Variants in RFX3 observed in about 807,000 individuals in gnomAD.
RFX3 encodes the protein regulatory factor X3.
RFX3 carries 14 observed loss-of-function variants against 98.6 expected under a neutral mutation model. That is an observed-to-expected ratio of 0.14 (90% CI 0.09 to 0.22). The LOEUF is 0.22. Ranked by LOEUF, RFX3 falls within the 10% of genes least tolerant of loss-of-function variation. RFX3 has a pLI of 1.00. For synonymous variants in RFX3, 383 were observed against 328.4 expected (o/e 1.17, Z -1.80); for missense variants, 639 against 926.9 (o/e 0.69, Z 4.03).
At chr9:3,420,250 T>A (rs555485991) in intron 1 of RFX3, among the ~76,000 whole-genome samples, 17 of 152,276 alleles carry the variant, frequency 1.1e-4, no homozygotes, top group Admixed American at 7.8e-4. Flanking sequence ...AGGAAAGCAC[T>A]CATACACAGG....
intron 1 of RFX3, among the ~76,000 whole-genome samples, chr9:3,424,506 C>T (rs563492346): frequency 1.7e-4 from 26 of 151,328 alleles, no homozygotes; most frequent in East Asian, 4.0e-4. Context: ...GGACTACAGG[C>T]GCCCGCCACC....
intron 3 of RFX3, among the ~76,000 whole-genome samples, chr9:3,339,082 C>T (rs957425224): frequency 2.6e-5 from 4 of 151,878 alleles, no homozygotes; most frequent in Admixed American, 2.6e-4. Context: ...GAGCAAGACT[C>T]CAACTCAAAA....
chr9:3,478,418 T>G (rs1340091468), intron 1 of RFX3, among the ~76,000 whole-genome samples: 1 of 151,828 alleles, frequency 6.6e-6, no homozygotes, highest in Non-Finnish European at 1.5e-5. Flanking sequence ...ACTTTTTTTT[T>G]TTTTTTTTTT....
At chr9:3,458,607 G>C (rs143556781) in intron 1 of RFX3, among the ~76,000 whole-genome samples, 2 of 152,062 alleles carry the variant, frequency 1.3e-5, no homozygotes, top group South Asian at 2.1e-4. Flanking sequence ...TTTTCCTATA[G>C]GTGACAAAGG....
chr9:3,284,794 A>C (rs1051980504), intron 7 of RFX3, among the ~76,000 whole-genome samples: 1 of 151,718 alleles, frequency 6.6e-6, no homozygotes, highest in African/African-American at 2.4e-5. Context: ...TTTAGGTAAA[A>C]TGGCTTGAGA....
chr9:3,516,699 G>C (rs1205594085), intron 1 of RFX3, among the ~76,000 whole-genome samples: 1 of 152,072 alleles, frequency 6.6e-6, no homozygotes, highest in East Asian at 1.9e-4. Context: ...TGATCAGAGA[G>C]CACACATGCA....
chr9:3,426,752 CA>C (rs1844076976), intron 1 of RFX3, among the ~76,000 whole-genome samples: 1 of 152,186 alleles, frequency 6.6e-6, no homozygotes, highest in Non-Finnish European at 1.5e-5. Context: ...CTGTCACCCC[CA>C]GATGGGACTG....
chr9:3,277,538 C>A, intron 7 of RFX3, 77 bp from the exon 8 acceptor site: 1 of 1,300,352 alleles, frequency 7.7e-7, no homozygotes, highest in Non-Finnish European at 1.1e-6. Context: ...ACTCCCAAAG[C>A]ATTCAGTTTT....
intron 1 of RFX3, among the ~76,000 whole-genome samples, chr9:3,456,470 C>T (rs1296553718): frequency 1.3e-5 from 2 of 152,018 alleles, no homozygotes; most frequent in African/African-American, 4.8e-5. Context: ...GCTTTTGCTC[C>T]CAGCTTTATG....
rs1295664748 is a variant in RFX3 at position 3,225,133 on chromosome 9, A to C, written c.2159T>G (p.Leu720Arg). ...PVLETGVQPSLLNPIHSEHIV... is the reference protein window; with the variant it reads ...PVLETGVQPSRLNPIHSEHIV... Reference sequence around the variant, plus strand: ...GTGCTCGCTGTGAATTGGATTCAGGAGGCTTGGTTGCACGCCAGTCTCGAG... The same window carrying C: ...GTGCTCGCTGTGAATTGGATTCAGGCGGCTTGGTTGCACGCCAGTCTCGAG... Residue 720 changes from leucine to arginine, a missense_variant, in exon 17 of 17, where the codon CTC becomes CGC. Physicochemically the swap from Leu to Arg is moderately radical, Grantham distance 102 (BLOSUM62 -2). This residue lies in a region of RFX3 where 129 missense variants were observed against 124.6 expected (regional missense o/e 1.04). Coordinates refer to ENST00000617270, the MANE Select transcript of RFX3 (RefSeq NM_001282116.2). The C allele has an allele frequency of 2.5e-6, 4 of 1,613,940 alleles. No individual in the cohort carries two copies. The Admixed American group carries it at 6.7e-5, about 27-fold the overall frequency.
chr9:3,384,093 A>G (rs910568522), intron 2 of RFX3, among the ~76,000 whole-genome samples: 4 of 152,146 alleles, frequency 2.6e-5, no homozygotes, highest in African/African-American at 9.7e-5. Flanking sequence ...TGTGTTCCAT[A>G]AATCCCTAGA....
At chr9:3,331,977 T>C (rs1438436368) in intron 3 of RFX3, among the ~76,000 whole-genome samples, 5 of 152,152 alleles carry the variant, frequency 3.3e-5, no homozygotes, top group Non-Finnish European at 1.5e-5. Context: ...TCCTCTCTTG[T>C]TCTTTCTTCC....
intron 2 of RFX3, among the ~76,000 whole-genome samples, chr9:3,391,209 G>T (rs537548578): frequency 6.6e-6 from 1 of 152,012 alleles, no homozygotes; most frequent in Non-Finnish European, 1.5e-5. Context: ...AAACATTATA[G>T]GCATGTCAGA....
At chr9:3,388,102 T>C (rs1839915729) in intron 2 of RFX3, among the ~76,000 whole-genome samples, 1 of 152,170 alleles carries the variant, frequency 6.6e-6, no homozygotes, top group Non-Finnish European at 1.5e-5. Flanking sequence ...ATTCTAATTA[T>C]CAGGGTTTCT....
At chr9:3,330,196 A>G (rs1832427313) in intron 4 of RFX3, 63 bp downstream of exon 4, 3 of 1,540,506 alleles carry the variant, frequency 1.9e-6, no homozygotes, top group African/African-American at 2.7e-5. Context: ...CCCTCTATCA[A>G]AGGAAATGTT....
rs749798488 is a variant in RFX3, at chr9:3,309,133, G to A, written c.475-7513C>T. Among the ~76,000 whole-genome samples, 8 of 152,126 alleles carry A rather than the reference G, an allele frequency of 5.3e-5. No individual in the cohort carries two copies. In the East Asian group the frequency reaches 7.7e-4, roughly 15 times the overall value. ...GCATAGATTCTGTACGACAGAGAAC[G>A]TCATTTCTTTTGAGTATGCCAAGCA... On this transcript the variant is annotated intron_variant, in intron 4 of 16. Coordinates refer to ENST00000617270, the MANE Select transcript of RFX3 (RefSeq NM_001282116.2).
At chr9:3,276,035 G>A (rs1390733707) in intron 8 of RFX3, among the ~76,000 whole-genome samples, 1 of 152,034 alleles carries the variant, frequency 6.6e-6, no homozygotes, top group Non-Finnish European at 1.5e-5. Flanking sequence ...AACCTAAAGA[G>A]CTACAAAGCA....
intron 1 of RFX3, among the ~76,000 whole-genome samples, chr9:3,444,489 T>C (rs943472518): frequency 6.6e-5 from 10 of 152,120 alleles, no homozygotes; most frequent in African/African-American, 2.4e-5. Context: ...CGATAGTATA[T>C]ACACTATCTT....
intron 1 of RFX3, among the ~76,000 whole-genome samples, chr9:3,423,778 CATATATATATATATAT>C (rs61209874): frequency 2.9e-4 from 32 of 111,054 alleles, no homozygotes; most frequent in Middle Eastern, 5.7e-3. Context: ...TATATATTTT[CATATATATATATATAT>C]ATATATATAT....
Sources: allele counts gnomAD v4.1 joint callset (sites outside exome capture counted in the v4.1 genomes callset), GRCh38; gene constraint gnomAD v4.1.1; regional missense constraint gnomAD v4.1.1; transcripts MANE v1.5; gene names NCBI Gene and HGNC (gene_info 2026-07-23, HGNC 2026-07-21).